The following TTLL11 variants were observed in gnomAD, a reference collection of about 807,000 sequenced individuals.
TTLL11 encodes tubulin polyglutamylase TTLL11.
In TTLL11, 42 loss-of-function variants were observed where a neutral mutation model predicts 51.7. The ratio of observed to expected loss-of-function variants is 0.81; its 90% CI spans 0.64 to 1.05. The LOEUF is 1.05. Ranked by LOEUF, TTLL11 falls within the 50% of genes least tolerant of loss-of-function variation. The probability of loss-of-function intolerance (pLI) is 0.00; values close to 1 mark genes in which losing one functional copy is unlikely to be tolerated. For missense variants in TTLL11, 799 were observed against 940.4 expected (o/e 0.85, Z 1.97); for synonymous variants, 381 against 383.5 (o/e 0.99, Z 0.08).
At chr9:122,031,879 G>A (rs571213791) in intron 2 of TTLL11, 23 bp from the exon 3 acceptor site, 19 of 1,604,262 alleles carry the variant, frequency 1.2e-5, no homozygotes, top group Admixed American at 1.7e-5. Flanking sequence ...GACGCTGTGA[G>A]GTTTTAACAA....
In TTLL11 at chr9:121,824,036, G is replaced by A. The variant is rs150464761; in HGVS notation, c.1841-1157C>T. ...CTCCATCCTCCTCTCTGGACTGTGC[G>A]CTTCCCGTGCTGCCCAGAGGTGCTC... On this transcript the variant is annotated intron_variant, in intron 8 of 8. Transcript: ENST00000321582. 2.6e-4 allele frequency among the ~76,000 whole-genome samples: 40 copies of A among 152,276 alleles called. No individual in the cohort carries two copies. The East Asian group carries it at 7.1e-3, about 27-fold the overall frequency.
At chr9:121,917,630 G>C (rs566229522) in intron 6 of TTLL11, among the ~76,000 whole-genome samples, 1 of 146,508 alleles carries the variant, frequency 6.8e-6, no homozygotes, top group East Asian at 2.0e-4. Context: ...GGGGAGGGAA[G>C]GGAGGGAAGG....
chr9:121,903,703 C>T (rs1330962237), intron 6 of TTLL11, among the ~76,000 whole-genome samples: 2 of 152,138 alleles, frequency 1.3e-5, no homozygotes, highest in East Asian at 1.9e-4. Context: ...TTTAAACACT[C>T]ATTTTACACA....
chr9:121,865,490 G>A (rs1477706297), intron 7 of TTLL11, among the ~76,000 whole-genome samples: 2 of 152,118 alleles, frequency 1.3e-5, no homozygotes, highest in South Asian at 4.1e-4. Context: ...CTGCCATCAC[G>A]AAAAATGCAG....
At chr9:122,082,626 G>A (rs28643563) in intron 1 of TTLL11, among the ~76,000 whole-genome samples, 3 of 152,018 alleles carry the variant, frequency 2.0e-5, no homozygotes, top group Non-Finnish European at 4.4e-5. Flanking sequence ...GGACTATTAG[G>A]TTGTTAAAAT....
chr9:122,082,630 TTAAAA>T (rs1466242051), intron 1 of TTLL11, among the ~76,000 whole-genome samples: 3 of 152,170 alleles, frequency 2.0e-5, no homozygotes, highest in African/African-American at 7.2e-5. Context: ...TATTAGGTTG[TTAAAA>T]TGAAATGAAT....
intron 3 of TTLL11, among the ~76,000 whole-genome samples, chr9:122,029,020 A>G (rs1266009221): frequency 6.6e-6 from 1 of 152,212 alleles, no homozygotes; most frequent in Non-Finnish European, 1.5e-5. Context: ...TATCCATAGC[A>G]GTGCCTAGAA....
chr9:121,835,004 G>T (rs1020938207), intron 8 of TTLL11, among the ~76,000 whole-genome samples: 2 of 152,142 alleles, frequency 1.3e-5, no homozygotes, highest in African/African-American at 2.4e-5. Context: ...CCAGGAATCT[G>T]AGTTAAGGGG....
chr9:121,902,629 G>A (rs1459206273), intron 6 of TTLL11, among the ~76,000 whole-genome samples: 6 of 151,948 alleles, frequency 3.9e-5, no homozygotes, highest in Admixed American at 2.6e-4. Context: ...GATGTTGACG[G>A]GTTTATCTCA....
At chr9:121,852,089 T>C (rs1158241698) in intron 8 of TTLL11, among the ~76,000 whole-genome samples, 1 of 152,198 alleles carries the variant, frequency 6.6e-6, no homozygotes, top group Non-Finnish European at 1.5e-5. Flanking sequence ...TGTGGAGCTG[T>C]TTCTAGCCCT....
intron 1 of TTLL11, among the ~76,000 whole-genome samples, chr9:122,074,680 T>C (rs1280986761): frequency 1.3e-5 from 2 of 151,486 alleles, no homozygotes; most frequent in African/African-American, 4.9e-5. Flanking sequence ...GGCAGGAGGA[T>C]TGCTTGAGAC....
intron 8 of TTLL11, among the ~76,000 whole-genome samples, chr9:121,828,478 C>T (rs751811313): frequency 2.0e-5 from 3 of 152,076 alleles, no homozygotes; most frequent in African/African-American, 4.8e-5. Context: ...GCTGGCCACA[C>T]GGAACTTCAT....
At chr9:121,838,834 A>G (rs1275739021) in intron 8 of TTLL11, among the ~76,000 whole-genome samples, 1 of 152,212 alleles carries the variant, frequency 6.6e-6, no homozygotes. Context: ...GCAAAGATAG[A>G]TCAAACCACG....
chr9:121,829,526 G>C (rs771747941), intron 8 of TTLL11, among the ~76,000 whole-genome samples: 2 of 151,422 alleles, frequency 1.3e-5, no homozygotes, highest in Non-Finnish European at 2.9e-5. Flanking sequence ...GAGGTAAGGA[G>C]GAAAAAACAA....
chr9:121,829,841 C>T (rs1836945081), intron 8 of TTLL11, among the ~76,000 whole-genome samples: 1 of 151,720 alleles, frequency 6.6e-6, no homozygotes, highest in South Asian at 2.1e-4. Flanking sequence ...TTTAAAAATA[C>T]CCCCAACCTA....
At chr9:122,025,199 A>G (rs1844294977) in intron 3 of TTLL11, among the ~76,000 whole-genome samples, 1 of 152,232 alleles carries the variant, frequency 6.6e-6, no homozygotes, top group African/African-American at 2.4e-5. Context: ...CATTTCATCA[A>G]AAAATATATC....
In TTLL11 at chr9:121,822,716, C is replaced by T. The variant is rs1033790962; in HGVS notation, c.2004G>A (p.Ser668=). The T allele has an allele frequency of 2.3e-5, 35 of 1,550,650 alleles. No individual in the cohort carries two copies. The highest frequency in any genetic ancestry group is 7.3e-5 in the East Asian group (3 of 40,894). The change falls in exon 9 of 9, where the codon TCG becomes TCA. Residue 668 remains serine, a synonymous_variant. Coordinates refer to ENST00000321582, the MANE Select transcript of TTLL11 (RefSeq NM_001139442.2). This position sits in a 1 kb window ranked among gnomAD's most constrained non-coding sequence, Gnocchi z 5.8. ...KRLVCGRGVP[S]GGRPPHRGPP... is the part of the protein sequence containing the mutation. Reference sequence around the variant, plus strand: ...GGCCACGGTGTGGGGGCCGGCCCCCCGACGGGACGCCCCGGCCACACACCA... The same window carrying T: ...GGCCACGGTGTGGGGGCCGGCCCCCTGACGGGACGCCCCGGCCACACACCA...
chr9:121,981,550 T>A (rs1842830560), intron 4 of TTLL11, among the ~76,000 whole-genome samples: 1 of 152,260 alleles, frequency 6.6e-6, no homozygotes, highest in Non-Finnish European at 1.5e-5. Flanking sequence ...CTGAAATGAT[T>A]TCCCCATTGG....
chr9:121,980,744 A>G (rs946561928), intron 4 of TTLL11, among the ~76,000 whole-genome samples: 2 of 152,250 alleles, frequency 1.3e-5, no homozygotes, highest in East Asian at 3.8e-4. Context: ...ACAATAGCAA[A>G]GACTTGGAAC....
Sources: allele counts gnomAD v4.1 joint callset (sites outside exome capture counted in the v4.1 genomes callset), GRCh38; gene constraint gnomAD v4.1.1; non-coding constraint Gnocchi (gnomAD v3.1); transcripts MANE v1.5; gene names NCBI Gene and HGNC (gene_info 2026-07-23, HGNC 2026-07-21).